POU2F1: variants seen among roughly 807,000 people sequenced by gnomAD.
POU2F1 encodes POU class 2 homeobox 1.
Under a neutral mutation model 84.9 loss-of-function variants are expected in POU2F1, and 16 were observed. The ratio of observed to expected loss-of-function variants is 0.19; its 90% CI spans 0.13 to 0.29. The LOEUF is 0.29. Ranked by LOEUF, POU2F1 falls within the 10% of genes least tolerant of loss-of-function variation. The probability of loss-of-function intolerance (pLI) is 1.00; values close to 1 mark genes in which losing one functional copy is unlikely to be tolerated. For synonymous variants in POU2F1, 368 were observed against 368.3 expected (o/e 1.00, Z 0.01); for missense variants, 738 against 942.6 (o/e 0.78, Z 2.84).
chr1:167,387,539 T>C (rs1004730470), intron 8 of POU2F1, among the ~76,000 whole-genome samples: 5 of 152,240 alleles, frequency 3.3e-5, no homozygotes, highest in African/African-American at 9.6e-5. Flanking sequence ...GTAATGCTTA[T>C]TCTGTAGTTT....
intron 2 of POU2F1, among the ~76,000 whole-genome samples, chr1:167,342,441 C>G (rs1657921703): frequency 6.6e-6 from 1 of 152,126 alleles, no homozygotes; most frequent in Non-Finnish European, 1.5e-5. Context: ...AGTGCTATGG[C>G]TGGTATTAGG....
chr1:167,376,936 T>C (rs1455062665), intron 7 of POU2F1, among the ~76,000 whole-genome samples: 1 of 152,232 alleles, frequency 6.6e-6, no homozygotes. Context: ...AGATTTGATA[T>C]GCACACAATG....
intron 2 of POU2F1, among the ~76,000 whole-genome samples, chr1:167,347,456 A>T (rs1402369728): frequency 6.6e-6 from 1 of 152,210 alleles, no homozygotes; most frequent in Non-Finnish European, 1.5e-5. Context: ...TGGCTGCTCT[A>T]GGAAAGTAAG....
intron 1 of POU2F1, among the ~76,000 whole-genome samples, chr1:167,224,467 T>C (rs1431426315): frequency 2.0e-5 from 3 of 152,172 alleles, no homozygotes; most frequent in Admixed American, 1.3e-4. Flanking sequence ...TTAAAAAAAA[T>C]TCAGAATTCT....
chr1:167,424,642 A>T lies in POU2F1; in HGVS notation c.*8832A>T, dbSNP rs898954033. On this transcript the variant is annotated 3_prime_UTR_variant, in exon 16 of 16. Coordinates refer to ENST00000367866, the MANE Select transcript of POU2F1 (RefSeq NM_002697.4). ...TGGCCTATAGCATCATGGGACCTGT[A>T]GCCTAGGGTGGGACCCCCTAAAGCC... 1 of 152,248 alleles carries T rather than the reference A, an allele frequency of 6.6e-6. No homozygotes were observed. 9.4% of individuals were successfully genotyped at this position (152,248 alleles called of 1,614,324 possible).
rs576434334 is a variant in POU2F1, at chr1:167,255,667, G to A, written c.61+34709G>A. Reference sequence around the variant, plus strand: ...CAAGAATCCATACAAGAGCAATTCAGAGGCCTCAACTAAAGGAGTCGCAGT... The same window carrying A: ...CAAGAATCCATACAAGAGCAATTCAAAGGCCTCAACTAAAGGAGTCGCAGT... On this transcript the variant is annotated intron_variant, in intron 1 of 15. Transcript: ENST00000367866. Among the ~76,000 whole-genome samples, 186 of 152,238 alleles carry A rather than the reference G, an allele frequency of 1.2e-3. 1 individual carries two copies. The highest frequency in any genetic ancestry group is 3.8e-3 in the African/African-American group (159 of 41,550).
At chr1:167,355,387 A>G (rs1416803788) in intron 2 of POU2F1, among the ~76,000 whole-genome samples, 1 of 152,118 alleles carries the variant, frequency 6.6e-6, no homozygotes, top group East Asian at 1.9e-4. Flanking sequence ...TCCCTATGCT[A>G]ATACCACACT....
In POU2F1 at chr1:167,420,168, C is replaced by CTTTTT. The variant is rs10714431; in HGVS notation, c.*4372_*4376dup. ...ATTGGCAAATATAGGGAATTCATGT[C>CTTTTT]TTTTTTTTTTTTTTTTTTCTGGTCT... On this transcript the variant is annotated 3_prime_UTR_variant, in exon 16 of 16. Transcript: ENST00000367866. 1 of 122,046 alleles carries CTTTTT rather than the reference C, an allele frequency of 8.2e-6. No homozygotes were observed. The highest frequency in any genetic ancestry group is 2.9e-5 in the African/African-American group (1 of 34,192). 7.6% of individuals were successfully genotyped at this position (122,046 alleles called of 1,614,324 possible). A position where few individuals can be genotyped will look rare whatever the true frequency, so the allele number is the denominator to read the frequency against.
chr1:167,276,453 T>TAC (rs1286974679), intron 1 of POU2F1, among the ~76,000 whole-genome samples: 1 of 152,002 alleles, frequency 6.6e-6, no homozygotes, highest in African/African-American at 2.4e-5. Flanking sequence ...ATCATAGGTA[T>TAC]ATATATATAG....
chr1:167,406,771 T>G (rs1649606295), intron 13 of POU2F1, among the ~76,000 whole-genome samples: 1 of 152,022 alleles, frequency 6.6e-6, no homozygotes, highest in Non-Finnish European at 1.5e-5. Flanking sequence ...TGTAACAGTA[T>G]CAAAAGAATA....
chr1:167,323,042 C>T (rs991711757), intron 1 of POU2F1, among the ~76,000 whole-genome samples: 36 of 152,154 alleles, frequency 2.4e-4, no homozygotes, highest in African/African-American at 3.9e-4. Context: ...ATTTTGGGGG[C>T]CTGTCTATGG....
At chr1:167,252,779 G>C (rs1312278725) in intron 1 of POU2F1, among the ~76,000 whole-genome samples, 1 of 152,184 alleles carries the variant, frequency 6.6e-6, no homozygotes, top group Non-Finnish European at 1.5e-5. Flanking sequence ...ATACGTAACT[G>C]ACTGTGATAA....
At chr1:167,365,725 C>T (rs927335302) in intron 3 of POU2F1, among the ~76,000 whole-genome samples, 158 bp downstream of exon 3, 1 of 152,028 alleles carries the variant, frequency 6.6e-6, no homozygotes, top group Non-Finnish European at 1.5e-5. Flanking sequence ...GTATGAAATC[C>T]TATGGTTTAG....
chr1:167,241,166 A>G (rs1649873408), intron 1 of POU2F1, among the ~76,000 whole-genome samples: 2 of 152,048 alleles, frequency 1.3e-5, no homozygotes, highest in African/African-American at 4.8e-5. Flanking sequence ...AAATAAATAA[A>G]TAGTCTGAAA....
intron 1 of POU2F1, among the ~76,000 whole-genome samples, chr1:167,287,096 T>C (rs1442837140): frequency 2.0e-5 from 3 of 152,186 alleles, no homozygotes; most frequent in African/African-American, 7.2e-5. Context: ...GCTGTAACTC[T>C]TAAAGACTTT....
At chr1:167,312,988 G>T (rs943764388) in intron 1 of POU2F1, among the ~76,000 whole-genome samples, 2 of 152,216 alleles carry the variant, frequency 1.3e-5, no homozygotes, top group African/African-American at 4.8e-5. Flanking sequence ...TAGCCTAGGT[G>T]TATAGTAGCC....
At chr1:167,278,484 A>G (rs1014104043) in intron 1 of POU2F1, among the ~76,000 whole-genome samples, 9 of 152,140 alleles carry the variant, frequency 5.9e-5, no homozygotes, top group Non-Finnish European at 1.2e-4. Flanking sequence ...GATCTAGGGT[A>G]TTTGTCATTT....
At chr1:167,327,679 G>A (rs562248198) in intron 1 of POU2F1, among the ~76,000 whole-genome samples, 14 of 152,210 alleles carry the variant, frequency 9.2e-5, no homozygotes, top group African/African-American at 3.4e-4. Flanking sequence ...CCGTTTACTG[G>A]TTTCTTCACT....
intron 2 of POU2F1, chr1:167,338,304 C>T (rs1189037865): frequency 2.2e-6 from 1 of 453,886 alleles, no homozygotes. Context: ...GCTTACTTTA[C>T]TGTAAGAATA....
Sources: gnomAD v4.1 joint callset for allele counts (sites outside exome capture counted in the v4.1 genomes callset) on GRCh38, gnomAD v4.1.1 for gene constraint, MANE v1.5 for transcripts, NCBI Gene and HGNC (gene_info 2026-07-23, HGNC 2026-07-21) for gene names.